Variants in RPS6KA5 observed in about 807,000 individuals in gnomAD.
The protein encoded by RPS6KA5 is ribosomal protein S6 kinase alpha-5.
RPS6KA5 carries 27 observed loss-of-function variants against 85.5 expected under a neutral mutation model. That is an observed-to-expected ratio of 0.32 (90% CI 0.23 to 0.44). The LOEUF is 0.44. Among genes scored for constraint, RPS6KA5 ranks in the 20% least tolerant of loss-of-function variants. The probability of loss-of-function intolerance (pLI) is 1.00; values close to 1 mark genes in which losing one functional copy is unlikely to be tolerated. For missense variants in RPS6KA5, 811 were observed against 980.9 expected, an observed-to-expected ratio of 0.83 and a Z score of 2.31; for synonymous variants, 334 against 348.2, an observed-to-expected ratio of 0.96 and a Z score of 0.46.
At chr14:90,965,329 G>A (rs1338973406) in intron 3 of RPS6KA5, among the ~76,000 whole-genome samples, 2 of 152,056 alleles carry the variant, frequency 1.3e-5, no homozygotes, top group East Asian at 1.9e-4. Flanking sequence ...AGCCGAGATC[G>A]CACCATGGCA....
chr14:91,044,363 G>GAA (rs368735013), intron 1 of RPS6KA5, among the ~76,000 whole-genome samples: 8 of 13,220 alleles, frequency 6.1e-4, no homozygotes, highest in Non-Finnish European at 7.1e-4. Flanking sequence ...AAGAAAGAAA[G>GAA]AGAAAGAAAG....
Position 90,890,607 on chromosome 14 carries a change from C to T in RPS6KA5, c.1716G>A (p.Lys572=). Residue 572 remains lysine, a synonymous_variant, in exon 14 of 17, where the codon AAG becomes AAA. Transcript: ENST00000614987. ...TCTTCAGGGGCTGATTATCCGGTGG[C>T]TTTAGCCGTGCAAATCCAAAATCAA... ...KIIDFGFARL[K]PPDNQPLKTP... The T allele has an allele frequency of 6.2e-7, 1 of 1,614,132 alleles. No homozygotes were observed. The highest frequency in any genetic ancestry group is 8.5e-7 in the Non-Finnish European group (1 of 1,179,992).
intron 1 of RPS6KA5, among the ~76,000 whole-genome samples, chr14:91,026,228 T>C (rs180801670): frequency 6.8e-4 from 104 of 152,294 alleles, no homozygotes; most frequent in Non-Finnish European, 7.6e-4. Context: ...CACATTTTTA[T>C]TTTGTTCTCT....
At chr14:91,052,465 T>TAAA (rs71120103) in intron 1 of RPS6KA5, 1,816 of 132,630 alleles carry the variant, frequency 0.014, 31 homozygotes, top group African/African-American at 0.063. Flanking sequence ...ACTCGTCTCT[T>TAAA]AAAAAAAAAA....
At chr14:90,878,818 A>G (rs886512998) in intron 14 of RPS6KA5, among the ~76,000 whole-genome samples, 11 of 152,200 alleles carry the variant, frequency 7.2e-5, no homozygotes, top group African/African-American at 2.4e-4. Flanking sequence ...CTGCTCTAAG[A>G]AATTTATCAA....
chr14:91,014,078 G>C (rs1304107748), intron 1 of RPS6KA5, among the ~76,000 whole-genome samples: 1 of 152,166 alleles, frequency 6.6e-6, no homozygotes, highest in African/African-American at 2.4e-5. Context: ...TGTTGTGCAT[G>C]AACTGTTAGC....
rs1192729054 is a variant in RPS6KA5 at position 90,905,998 on chromosome 14, A to G, written c.957+151T>C. ...CCTACTGAAAGGGTCCCTATCATTA[A>G]AAACAAAACAAAACAAAAGGTGCAA... On this transcript the variant is annotated intron_variant, in intron 8 of 16. Coordinates refer to ENST00000614987, the MANE Select transcript of RPS6KA5 (RefSeq NM_004755.4). The G allele has an allele frequency of 1.0e-5, 7 of 694,226 alleles. No homozygotes were observed. The African/African-American group carries it at 1.2e-4, about 12-fold the overall frequency. The allele number at this position is 694,226 out of a possible 1,614,324, so 43.0% of individuals were successfully genotyped here.
At chr14:90,897,112 T>G (rs577948196) in intron 12 of RPS6KA5, among the ~76,000 whole-genome samples, 1 of 152,168 alleles carries the variant, frequency 6.6e-6, no homozygotes, top group Admixed American at 6.5e-5. Context: ...TAGATTCTTA[T>G]AAGGAGTGCT....
At chr14:90,893,670 T>A (rs776611559) in intron 13 of RPS6KA5, among the ~76,000 whole-genome samples, 22 of 152,158 alleles carry the variant, frequency 1.4e-4, no homozygotes, top group Non-Finnish European at 2.8e-4. Context: ...GGAGAGAATA[T>A]GTATAATCTT....
chr14:90,982,220 A>G (rs1278575397), intron 2 of RPS6KA5, among the ~76,000 whole-genome samples: 1 of 152,134 alleles, frequency 6.6e-6, no homozygotes, highest in Non-Finnish European at 1.5e-5. Flanking sequence ...ACATTATTAG[A>G]GTAATCTTAT....
At chr14:90,925,941 C>CAAAAAAAAAAAAA (rs71117389) in intron 5 of RPS6KA5, among the ~76,000 whole-genome samples, 29 of 73,476 alleles carry the variant, frequency 3.9e-4, no homozygotes, top group Non-Finnish European at 5.7e-4. Context: ...GACCCTGACT[C>CAAAAAAAAAAAAA]AAAAAAAAAA....
chr14:90,909,163 C>A (rs1389217887), intron 7 of RPS6KA5, among the ~76,000 whole-genome samples: 2 of 152,212 alleles, frequency 1.3e-5, no homozygotes, highest in African/African-American at 4.8e-5. Flanking sequence ...AGAAGTGGGG[C>A]TGAGGGTAGA....
Position 90,853,904 on chromosome 14 carries a change from T to C in RPS6KA5, c.*18170A>G, listed in dbSNP as rs921224432. 3 of 152,160 alleles carry C rather than the reference T, an allele frequency of 2.0e-5. No homozygotes were observed. Among genetic ancestry groups the C allele is most frequent in the Non-Finnish European group, 2.9e-5 (2 of 68,014 alleles). 9.4% of individuals were successfully genotyped at this position (152,160 alleles called of 1,614,324 possible). ...ATTTCACACCCTTTTTCTTGATTAA[T>C]CATTTGTACCAGAGAAAACTCTGTA... On this transcript the variant is annotated 3_prime_UTR_variant, in exon 17 of 17. Coordinates refer to ENST00000614987, the MANE Select transcript of RPS6KA5 (RefSeq NM_004755.4).
At chr14:90,879,135 G>C (rs2033666002) in intron 14 of RPS6KA5, among the ~76,000 whole-genome samples, 1 of 152,232 alleles carries the variant, frequency 6.6e-6, no homozygotes, top group Admixed American at 6.5e-5. Context: ...CAAGAGCAGT[G>C]CATCATGTGC....
chr14:91,002,122 C>T (rs2040819180), intron 1 of RPS6KA5, among the ~76,000 whole-genome samples: 1 of 152,120 alleles, frequency 6.6e-6, no homozygotes, highest in African/African-American at 2.4e-5. Flanking sequence ...AATTATGCCA[C>T]TTAAAAGCTG....
chr14:90,924,027 T>C (rs535608002), intron 5 of RPS6KA5, among the ~76,000 whole-genome samples: 4 of 152,268 alleles, frequency 2.6e-5, no homozygotes, highest in Admixed American at 6.5e-5. Context: ...GCCTCTCTTA[T>C]AGTTCATTTT....
intron 7 of RPS6KA5, among the ~76,000 whole-genome samples, chr14:90,910,467 G>C (rs2035742892): frequency 6.6e-6 from 1 of 151,924 alleles, no homozygotes; most frequent in African/African-American, 2.4e-5. Flanking sequence ...GTAGAATTTA[G>C]GTAGTGAGTG....
chr14:91,026,690 T>C (rs1042237995), intron 1 of RPS6KA5, among the ~76,000 whole-genome samples: 2 of 152,200 alleles, frequency 1.3e-5, no homozygotes, highest in African/African-American at 4.8e-5. Context: ...GATCAAATGG[T>C]AGTTCTAAGT....
At chr14:90,965,376 C>CA (rs991252531) in intron 3 of RPS6KA5, among the ~76,000 whole-genome samples, 2 of 150,526 alleles carry the variant, frequency 1.3e-5, no homozygotes, top group African/African-American at 4.9e-5. Context: ...TCTGTCTCAA[C>CA]AAAAAAAAAG....
Sources: gnomAD v4.1 joint callset for allele counts (sites outside exome capture counted in the v4.1 genomes callset) on GRCh38, gnomAD v4.1.1 for gene constraint, MANE v1.5 for transcripts, NCBI Gene and HGNC (gene_info 2026-07-23, HGNC 2026-07-21) for gene names.